Variants in EPB41L2 observed in about 807,000 individuals in gnomAD.
EPB41L2 encodes erythrocyte membrane protein band 4.1 like 2, also known as band 4.1-like protein 2.
Under a neutral mutation model 113.0 loss-of-function variants are expected in EPB41L2, and 43 were observed. The ratio of observed to expected loss-of-function variants is 0.38; its 90% CI spans 0.30 to 0.49. EPB41L2 has a LOEUF of 0.49. EPB41L2 is among the 20% of genes least tolerant of loss of function. EPB41L2 has a pLI of 0.95. For synonymous variants in EPB41L2, 442 were observed against 436.7 expected (o/e 1.01, Z -0.15); for missense variants, 1,147 against 1,223.4 (o/e 0.94, Z 0.93).
chr6:130,965,453 C>T (rs1438216772), intron 1 of EPB41L2, among the ~76,000 whole-genome samples: 1 of 152,034 alleles, frequency 6.6e-6, no homozygotes, highest in Non-Finnish European at 1.5e-5. Flanking sequence ...GACTAATTCT[C>T]CTTCTCAATT....
At chr6:130,977,652 T>A (rs1051502256) in intron 1 of EPB41L2, among the ~76,000 whole-genome samples, 1 of 152,002 alleles carries the variant, frequency 6.6e-6, no homozygotes, top group African/African-American at 2.4e-5. Flanking sequence ...AAATTCTAAG[T>A]CTCCAAAAAT....
chr6:130,954,789 T>C (rs1369771456), intron 3 of EPB41L2, among the ~76,000 whole-genome samples: 1 of 152,248 alleles, frequency 6.6e-6, no homozygotes, highest in Non-Finnish European at 1.5e-5. Flanking sequence ...TATTCTGAAA[T>C]GTCAGCCTAG....
intron 3 of EPB41L2, among the ~76,000 whole-genome samples, chr6:130,929,901 A>ACACG (rs1257872956): frequency 6.7e-6 from 1 of 148,974 alleles, no homozygotes; most frequent in African/African-American, 2.5e-5. Context: ...ACACACATAC[A>ACACG]CGCACAGTCA....
intron 1 of EPB41L2, among the ~76,000 whole-genome samples, chr6:130,969,649 G>A (rs187655687): frequency 6.6e-6 from 1 of 152,214 alleles, no homozygotes; most frequent in Non-Finnish European, 1.5e-5. Context: ...ATAATCTACA[G>A]ATTATTAGCT....
At chr6:130,934,146 T>A (rs1214862917) in intron 3 of EPB41L2, among the ~76,000 whole-genome samples, 3 of 151,828 alleles carry the variant, frequency 2.0e-5, no homozygotes, top group Non-Finnish European at 4.4e-5. Context: ...GAAGAGAGAG[T>A]GTCTCAAATC....
chr6:130,992,716 C>T (rs940769112), intron 1 of EPB41L2, among the ~76,000 whole-genome samples: 1 of 151,782 alleles, frequency 6.6e-6, no homozygotes, highest in Non-Finnish European at 1.5e-5. Context: ...CTGCAACCTA[C>T]GCCTCCCAGG....
chr6:131,049,996 A>T (rs1796211552), intron 1 of EPB41L2, among the ~76,000 whole-genome samples: 1 of 152,130 alleles, frequency 6.6e-6, no homozygotes. Context: ...TTAAGTTTAA[A>T]CTCTTCGCTC....
At chr6:130,930,656 G>A (rs915581590) in intron 3 of EPB41L2, among the ~76,000 whole-genome samples, 1 of 152,080 alleles carries the variant, frequency 6.6e-6, no homozygotes, top group African/African-American at 2.4e-5. Context: ...ATGCCCAGCT[G>A]CCTGGGAGAA....
At chr6:131,049,199 C>T (rs770310441) in intron 1 of EPB41L2, among the ~76,000 whole-genome samples, 11 of 152,158 alleles carry the variant, frequency 7.2e-5, no homozygotes, top group Non-Finnish European at 1.3e-4. Context: ...TGGGGGAAGA[C>T]GAATGTATTC....
At chr6:130,894,842 C>CT in intron 9 of EPB41L2, 125 bp downstream of exon 9, 2 of 1,113,100 alleles carry the variant, frequency 1.8e-6, no homozygotes, top group Non-Finnish European at 2.4e-6. Context: ...GAACCCTGAC[C>CT]TTTTACAATG....
intron 4 of EPB41L2, among the ~76,000 whole-genome samples, chr6:130,922,740 G>C (rs1803284382): frequency 6.6e-6 from 1 of 152,000 alleles, no homozygotes; most frequent in Admixed American, 6.6e-5. Flanking sequence ...TATTTTATTT[G>C]GAATATTTGC....
intron 19 of EPB41L2, among the ~76,000 whole-genome samples, chr6:130,854,322 TTAAA>T (rs1779609503): frequency 8.2e-6 from 1 of 122,224 alleles, no homozygotes; most frequent in Non-Finnish European, 2.0e-5. Flanking sequence ...TAGGCACTCA[TTAAA>T]TACTTTTTGA....
chr6:131,043,258 G>A (rs1056211792), intron 1 of EPB41L2, among the ~76,000 whole-genome samples: 2 of 151,946 alleles, frequency 1.3e-5, no homozygotes, highest in Non-Finnish European at 2.9e-5. Flanking sequence ...CCAAAATCTC[G>A]CCGCTGCACT....
intron 19 of EPB41L2, among the ~76,000 whole-genome samples, chr6:130,842,047 G>A (rs1268910048): frequency 1.3e-5 from 2 of 152,160 alleles, no homozygotes; most frequent in Admixed American, 6.5e-5. Flanking sequence ...AGTGCAGAGT[G>A]GTAATTAACG....
At chr6:130,955,810 T>C (rs1179007758) in intron 2 of EPB41L2, among the ~76,000 whole-genome samples, 184 bp downstream of exon 2, 1 of 151,930 alleles carries the variant, frequency 6.6e-6, no homozygotes, top group African/African-American at 2.4e-5. Flanking sequence ...TATAGGGGAC[T>C]TTTTTTTCAA....
intron 19 of EPB41L2, among the ~76,000 whole-genome samples, chr6:130,857,830 G>A (rs1353154270): frequency 2.3e-4 from 35 of 151,854 alleles, no homozygotes; most frequent in Non-Finnish European, 8.8e-5. Context: ...TTCCAGAAAG[G>A]GTCAATGTGA....
intron 1 of EPB41L2, among the ~76,000 whole-genome samples, chr6:130,988,992 G>T (rs942290249): frequency 6.6e-6 from 1 of 152,196 alleles, no homozygotes; most frequent in Non-Finnish European, 1.5e-5. Context: ...AGCAGGCTGA[G>T]GTGGGAGAAT....
intron 3 of EPB41L2, among the ~76,000 whole-genome samples, chr6:130,952,472 G>T (rs1815519954): frequency 6.6e-6 from 1 of 151,632 alleles, no homozygotes; most frequent in Admixed American, 6.6e-5. Flanking sequence ...ATCACAAAAA[G>T]ATACATGCAG....
At chr6:131,032,765 T>C (rs1359635406) in intron 1 of EPB41L2, among the ~76,000 whole-genome samples, 2 of 152,234 alleles carry the variant, frequency 1.3e-5, no homozygotes, top group East Asian at 1.9e-4. Context: ...ATTTTATATA[T>C]ACCAATGCTG....
Sources: gnomAD v4.1 joint callset for allele counts (sites outside exome capture counted in the v4.1 genomes callset) on GRCh38, gnomAD v4.1.1 for gene constraint, MANE v1.5 for transcripts, NCBI Gene and HGNC (gene_info 2026-07-23, HGNC 2026-07-21) for gene names.